Variants in MAN1A2 observed in about 807,000 individuals in gnomAD.
MAN1A2 encodes the protein mannosyl-oligosaccharide 1,2-alpha-mannosidase IB.
In MAN1A2, 26 loss-of-function variants were observed where a neutral mutation model predicts 75.7. The observed-to-expected ratio is 0.34, with a 90% CI of 0.25 to 0.48. MAN1A2 has a LOEUF of 0.48. Ranked by LOEUF, MAN1A2 falls within the 20% of genes least tolerant of loss-of-function variation. MAN1A2 has a pLI of 0.99. For missense variants in MAN1A2, 562 were observed against 775.5 expected (o/e 0.72, Z 3.27); for synonymous variants, 247 against 264.6 (o/e 0.93, Z 0.65).
intron 6 of MAN1A2, among the ~76,000 whole-genome samples, chr1:117,452,750 G>A (rs1649463632): frequency 6.6e-6 from 1 of 152,242 alleles, no homozygotes; most frequent in African/African-American, 2.4e-5. Flanking sequence ...TGCTGATGTA[G>A]AAATTGCAGC....
rs1006155484 is a variant in MAN1A2 at position 117,460,369 on chromosome 1, A to C, written c.951-120A>C. 7.0e-6 allele frequency: 4 copies of C among 571,866 alleles called. No individual in the cohort carries two copies. In the Admixed American group the frequency reaches 1.4e-4, roughly 19 times the overall value. The allele number at this position is 571,866 out of a possible 1,614,324, so 35.4% of individuals were successfully genotyped here. On this transcript the variant is annotated intron_variant, in intron 6 of 12. Transcript: ENST00000356554. ...TTTAATACAATTTTAGATATAAATA[A>C]GCTATCGTGTCAGATATAATAATTT...
chr1:117,502,868 A>T lies in MAN1A2; in HGVS notation c.1691A>T (p.Tyr564Phe). The change falls in exon 12 of 13, where the codon TAT (tyrosine) becomes TTT (phenylalanine). Residue 564 changes from tyrosine (Y) to phenylalanine (F), a missense_variant. Tyr to Phe is a conservative substitution (Grantham distance 22, BLOSUM62 3). Transcript: ENST00000356554. ...TCTCTTTCATAGGCCATTGAAAAGT[A>T]TTGCCGAGTTAATGGTGGGTTTTCT... ...GWEAALAIEK[Y>F]CRVNGGFSGV... is the part of the protein sequence containing the mutation. 1 of 1,591,596 alleles carries T rather than the reference A, an allele frequency of 6.3e-7. No homozygotes were observed. The highest frequency in any genetic ancestry group is 8.6e-7 in the Non-Finnish European group (1 of 1,161,794).
At chr1:117,506,305 G>C (rs891362850) in intron 12 of MAN1A2, among the ~76,000 whole-genome samples, 4 of 151,440 alleles carry the variant, frequency 2.6e-5, no homozygotes, top group Non-Finnish European at 4.4e-5. Flanking sequence ...TCACGGCAGT[G>C]GCAAAGTTAA....
intron 1 of MAN1A2, among the ~76,000 whole-genome samples, chr1:117,377,257 CATTA>C (rs1438090099): frequency 6.6e-6 from 1 of 152,072 alleles, no homozygotes; most frequent in Non-Finnish European, 1.5e-5. Context: ...TTTGTGTTGT[CATTA>C]ATAAATATGT....
intron 5 of MAN1A2, among the ~76,000 whole-genome samples, chr1:117,423,599 AGTTCT>A (rs1274136439): frequency 6.6e-6 from 1 of 151,942 alleles, no homozygotes; most frequent in Admixed American, 6.6e-5. Flanking sequence ...TGTTTTTGGT[AGTTCT>A]GTATTTTAAA....
intron 12 of MAN1A2, among the ~76,000 whole-genome samples, chr1:117,516,694 C>T (rs931739473): frequency 6.6e-6 from 1 of 152,058 alleles, no homozygotes; most frequent in Non-Finnish European, 1.5e-5. Context: ...GAAGTAAGCC[C>T]TGTAATTGCC....
At chr1:117,406,356 G>A (rs1462467127) in intron 3 of MAN1A2, among the ~76,000 whole-genome samples, 4 of 152,104 alleles carry the variant, frequency 2.6e-5, no homozygotes, top group African/African-American at 9.7e-5. Context: ...TATCTTTTAA[G>A]TAATGATAGA....
chr1:117,493,019 A>G (rs1222920364), intron 8 of MAN1A2, 128 bp from the exon 9 acceptor site: 2 of 599,870 alleles, frequency 3.3e-6, no homozygotes, highest in Non-Finnish European at 6.0e-6. Flanking sequence ...TATGTTGGAA[A>G]TAGGGTTGTC....
chr1:117,465,724 C>A (rs546043214), intron 7 of MAN1A2, among the ~76,000 whole-genome samples: 4 of 152,154 alleles, frequency 2.6e-5, no homozygotes, highest in Admixed American at 1.3e-4. Flanking sequence ...ATAGTTGAAT[C>A]AAAATAAATC....
chr1:117,501,221 A>G (rs1570796004), intron 11 of MAN1A2, among the ~76,000 whole-genome samples: 1 of 151,784 alleles, frequency 6.6e-6, no homozygotes, highest in Non-Finnish European at 1.5e-5. Context: ...TTTGTAGCCT[A>G]TATGCACAAA....
chr1:117,455,560 A>G (rs1396963016), intron 6 of MAN1A2, among the ~76,000 whole-genome samples: 2 of 152,146 alleles, frequency 1.3e-5, no homozygotes, highest in Non-Finnish European at 2.9e-5. Context: ...TGTAATAACA[A>G]AAAATAACAT....
intron 1 of MAN1A2, among the ~76,000 whole-genome samples, chr1:117,383,751 T>A (rs1768791): frequency 0.76 from 113,573 of 150,404 alleles, 42,870 homozygotes; most frequent in Middle Eastern, 0.8. Context: ...CTTTAAAAAT[T>A]TTTTTTTTTT....
At chr1:117,399,990 A>T (rs1331224440) in intron 1 of MAN1A2, among the ~76,000 whole-genome samples, 1 of 152,120 alleles carries the variant, frequency 6.6e-6, no homozygotes. Flanking sequence ...TCTGTTGGTA[A>T]AATGTGGGGC....
At chr1:117,461,175 A>G (rs1007384919) in intron 7 of MAN1A2, among the ~76,000 whole-genome samples, 12 of 152,236 alleles carry the variant, frequency 7.9e-5, no homozygotes, top group African/African-American at 2.9e-4. Flanking sequence ...TTTCCTACAA[A>G]TAAATCTAAC....
At chr1:117,386,309 C>A (rs2101732837) in intron 1 of MAN1A2, among the ~76,000 whole-genome samples, 1 of 152,190 alleles carries the variant, frequency 6.6e-6, no homozygotes, top group Admixed American at 6.5e-5. Context: ...ACTTTCTGTT[C>A]AGGGGTTTAA....
chr1:117,447,558 A>G (rs567737547), intron 6 of MAN1A2, among the ~76,000 whole-genome samples: 1 of 152,230 alleles, frequency 6.6e-6, no homozygotes, highest in South Asian at 2.1e-4. Context: ...ATGCCAGTTG[A>G]CATTTCCTTA....
chr1:117,442,347 T>A, intron 6 of MAN1A2, 22 bp downstream of exon 6: 1 of 1,469,544 alleles, frequency 6.8e-7, no homozygotes, highest in Non-Finnish European at 9.5e-7. Flanking sequence ...TGGGTATTCT[T>A]ATTCTGGAAG....
chr1:117,405,828 A>G (rs1228194350), intron 3 of MAN1A2, among the ~76,000 whole-genome samples, 183 bp downstream of exon 3: 1 of 152,156 alleles, frequency 6.6e-6, no homozygotes, highest in East Asian at 1.9e-4. Context: ...GAGTACACAT[A>G]TATGTGGTAG....
chr1:117,495,195 T>C (rs1651003494), intron 9 of MAN1A2, among the ~76,000 whole-genome samples: 1 of 151,874 alleles, frequency 6.6e-6, no homozygotes, highest in South Asian at 2.1e-4. Context: ...ATCTTGTAAA[T>C]ATTTCTGTAC....
Sources: gnomAD v4.1 joint callset for allele counts (sites outside exome capture counted in the v4.1 genomes callset) on GRCh38, gnomAD v4.1.1 for gene constraint, MANE v1.5 for transcripts, NCBI Gene and HGNC (gene_info 2026-07-23, HGNC 2026-07-21) for gene names.